The following ATXN3 variants were observed in gnomAD, a reference collection of about 807,000 sequenced individuals.
ATXN3 encodes ataxin 3.
ATXN3 carries 28 observed loss-of-function variants against 58.2 expected under a neutral mutation model. The ratio of observed to expected loss-of-function variants is 0.48; its 90% CI spans 0.36 to 0.66. ATXN3 has a LOEUF of 0.66. ATXN3 is among the 30% of genes least tolerant of loss of function. The pLI is 0.00. For missense variants in ATXN3, 321 were observed against 422.1 expected, an observed-to-expected ratio of 0.76 and a Z score of 2.10; for synonymous variants, 113 against 138.5, an observed-to-expected ratio of 0.82 and a Z score of 1.29.
chr14:92,089,432 G>A (rs369674541), intron 5 of ATXN3, among the ~76,000 whole-genome samples: 39 of 145,470 alleles, frequency 2.7e-4, no homozygotes, highest in Admixed American at 7.7e-4. Context: ...TCCGCCTCCC[G>A]GGTTCATGCC....
At position 92,061,352 on chromosome 14, in the gene ATXN3, A is replaced by G. The variant is rs1273187324; in HGVS notation, c.*2968T>C. On this transcript the variant is annotated 3_prime_UTR_variant, in exon 11 of 11. Transcript: ENST00000644486. ...CTGCAGCAGCCTTTTCAAACAGTTT[A>G]TATTACTGAAATATTTACATGATTA... 6.6e-6 allele frequency: 1 copy of G among 152,206 alleles called. No homozygotes were observed. Among genetic ancestry groups the G allele is most frequent in the Admixed American group, 6.5e-5 (1 of 15,274 alleles). 9.4% of individuals were successfully genotyped at this position (152,206 alleles called of 1,614,324 possible). A position where few individuals can be genotyped will look rare whatever the true frequency, so the allele number is the denominator to read the frequency against.
intron 8 of ATXN3, among the ~76,000 whole-genome samples, chr14:92,081,465 C>CAAAAAAAAAAAAAAAAAAAAAAAAA (rs58398762): frequency 2.4e-5 from 2 of 82,974 alleles, no homozygotes; most frequent in African/African-American, 4.1e-5. Flanking sequence ...GACTCTGACT[C>CAAAAAAAAAAAAAAAAAAAAAAAAA]AAAAAAAAAA....
chr14:92,047,872 C>T (rs1470931613), intron 2 of ATXN3: 1 of 152,078 alleles, frequency 6.6e-6, no homozygotes, highest in African/African-American at 2.4e-5. Flanking sequence ...GCTCCCATAT[C>T]GATTAAACAG....
intron 2 of ATXN3, among the ~76,000 whole-genome samples, chr14:92,046,583 G>A (rs2057429053): frequency 6.6e-6 from 1 of 151,624 alleles, no homozygotes; most frequent in Non-Finnish European, 1.5e-5. Flanking sequence ...GAGTTAGGGA[G>A]AGCTAGTGTG....
chr14:92,093,721 T>C (rs750559945), intron 4 of ATXN3, 25 bp downstream of exon 4: 43 of 1,490,592 alleles, frequency 2.9e-5, no homozygotes, highest in Non-Finnish European at 3.9e-5. Flanking sequence ...AAAAGAAATG[T>C]ATGAAATGCA....
At position 92,105,371 on chromosome 14, in the gene ATXN3, T is replaced by A. The variant is rs370669483; in HGVS notation, c.24+1158A>T. Among the ~76,000 whole-genome samples, 219 of 152,178 alleles carry A rather than the reference T, an allele frequency of 1.4e-3. 7 individuals carry two copies. The South Asian group carries it at 0.039, about 27-fold the overall frequency. On this transcript the variant is annotated intron_variant, in intron 1 of 10. Coordinates refer to ENST00000644486, the MANE Select transcript of ATXN3 (RefSeq NM_004993.6). ...ATCAAGGCTGCAGTGAGCCATGATC[T>A]CTCCATTGCACACCTGCCTGGGTGA...
At chr14:92,077,252 A>AAATGAG (rs1479284417) in intron 9 of ATXN3, among the ~76,000 whole-genome samples, 1 of 152,216 alleles carries the variant, frequency 6.6e-6, no homozygotes, top group Non-Finnish European at 1.5e-5. Context: ...CTGTCATAGG[A>AAATGAG]AATGAGTACA....
chr14:92,084,761 G>A (rs1282410820), intron 6 of ATXN3, among the ~76,000 whole-genome samples: 1 of 151,886 alleles, frequency 6.6e-6, no homozygotes, highest in Non-Finnish European at 1.5e-5. Flanking sequence ...TGTATTTTTA[G>A]GAGAGGCAGG....
Position 92,088,795 on chromosome 14 carries a change from A to T in ATXN3, c.410T>A (p.Leu137Ter). ...ATCTGATATTAATTCTGGACCCGTC[A>T]AGAGAGAATTCAAGTTAAACCACTG... ...GKQWFNLNSL[L>*]TGPELISDTY... is the part of the protein sequence containing the mutation. Residue 137 changes from leucine to a stop codon, truncating the protein, a stop_gained, in exon 6 of 11, where the codon TTG (leucine) becomes TAG (stop). Transcript: ENST00000644486. LOFTEE classifies it high-confidence loss of function. The T allele has an allele frequency of 6.2e-7, 1 of 1,611,500 alleles. No homozygotes were observed. Among genetic ancestry groups the T allele is most frequent in the Non-Finnish European group, 8.5e-7 (1 of 1,178,006 alleles).
chr14:92,076,276 T>C (rs544429100), intron 9 of ATXN3, among the ~76,000 whole-genome samples: 3 of 151,994 alleles, frequency 2.0e-5, no homozygotes, highest in African/African-American at 7.2e-5. Context: ...TGAAACCCCC[T>C]CTCTACTAAA....
intron 10 of ATXN3, among the ~76,000 whole-genome samples, chr14:92,066,961 G>C (rs1281458630): frequency 6.6e-6 from 1 of 152,024 alleles, no homozygotes; most frequent in Admixed American, 6.6e-5. Context: ...GTAGAGACAG[G>C]GTTTCCCCAT....
intron 5 of ATXN3, among the ~76,000 whole-genome samples, chr14:92,090,876 G>A (rs1477445142): frequency 6.6e-6 from 1 of 151,124 alleles, no homozygotes; most frequent in African/African-American, 2.4e-5. Flanking sequence ...AATAATCTCA[G>A]CAGTACGCTA....
At position 92,086,552 on chromosome 14, in the gene ATXN3, G is replaced by A. The variant is rs113143831; in HGVS notation, c.475+2178C>T. On this transcript the variant is annotated intron_variant, in intron 6 of 10. Transcript: ENST00000644486. Reference sequence around the variant, plus strand: ...TGCACTCCAGCCGGAGCAACAAGAGGGAAACTCCATCTCAAAAAAAAAAAA... The same window carrying A: ...TGCACTCCAGCCGGAGCAACAAGAGAGAAACTCCATCTCAAAAAAAAAAAA... Among the ~76,000 whole-genome samples the A allele has an allele frequency of 4.4e-3, 618 of 140,592 alleles. 4 individuals carry two copies. Among genetic ancestry groups the A allele is most frequent in the African/African-American group, 0.016 (584 of 36,902 alleles). 92.2% of individuals were successfully genotyped at this position (140,592 alleles called of 152,430 possible).
At chr14:92,086,253 C>CAAAAAAAAAAAAAAA (rs869147623) in intron 6 of ATXN3, among the ~76,000 whole-genome samples, 2 of 94,928 alleles carry the variant, frequency 2.1e-5, no homozygotes, top group South Asian at 3.7e-4. Flanking sequence ...ACTAAAAATA[C>CAAAAAAAAAAAAAAA]AAAAAAAAAA....
chr14:92,105,541 T>C (rs2141382257), intron 1 of ATXN3, among the ~76,000 whole-genome samples: 1 of 152,380 alleles, frequency 6.6e-6, no homozygotes, highest in Admixed American at 6.5e-5. Context: ...CATTTATAAG[T>C]ATTTAATAAA....
intron 10 of ATXN3, among the ~76,000 whole-genome samples, chr14:92,067,968 G>T (rs952835376): frequency 2.0e-4 from 31 of 152,166 alleles, no homozygotes; most frequent in African/African-American, 7.2e-4. Context: ...GACTGGGAGG[G>T]AGAGCAGTGC....
chr14:92,103,713 GT>G (rs2067408286), intron 1 of ATXN3, among the ~76,000 whole-genome samples: 1 of 152,226 alleles, frequency 6.6e-6, no homozygotes, highest in African/African-American at 2.4e-5. Flanking sequence ...GTGAGAAACT[GT>G]TTTTACATTC....
chr14:92,077,518 T>G (rs1185419520), intron 9 of ATXN3: 1 of 151,968 alleles, frequency 6.6e-6, no homozygotes, highest in Non-Finnish European at 1.5e-5. Context: ...AGCTAATTTT[T>G]GTGTATTTTT....
intron 1 of ATXN3, among the ~76,000 whole-genome samples, chr14:92,048,709 C>T (rs1299941178): frequency 2.6e-5 from 4 of 151,854 alleles, no homozygotes; most frequent in South Asian, 2.1e-4. Context: ...AAGCCAGACA[C>T]GGTGTGAGGA....
Sources: allele counts gnomAD v4.1 joint callset (sites outside exome capture counted in the v4.1 genomes callset), GRCh38; gene constraint gnomAD v4.1.1; transcripts MANE v1.5; gene names NCBI Gene and HGNC (gene_info 2026-07-23, HGNC 2026-07-21).